Variants in ANAPC10 observed in about 807,000 individuals in gnomAD.
ANAPC10 encodes anaphase-promoting complex subunit 10.
ANAPC10 carries 12 observed loss-of-function variants against 22.0 expected under a neutral mutation model. That is an observed-to-expected ratio of 0.55 (90% CI 0.35 to 0.88). The LOEUF (loss-of-function observed/expected upper bound fraction) is 0.88. ANAPC10 is among the 40% of genes least tolerant of loss of function. The pLI, the probability that ANAPC10 is intolerant of heterozygous loss-of-function variation, is 0.01. For synonymous variants in ANAPC10, 65 were observed against 69.5 expected, an observed-to-expected ratio of 0.94 and a Z score of 0.32; for missense variants, 188 against 220.9, an observed-to-expected ratio of 0.85 and a Z score of 0.94.
Position 144,995,445 on chromosome 4 carries a change from T to C in ANAPC10, c.486A>G (p.Val162=), listed in dbSNP as rs769297785. 1.5e-5 allele frequency: 25 copies of C among 1,613,750 alleles called. No individual in the cohort carries two copies. The Middle Eastern group carries it at 5.0e-4, about 32-fold the overall frequency. ...GAAATTTACCAATGGAGCTCTCTTC[T>C]ACTGGTGTGTATATTTTAATTTGTC... ...HMRQIKIYTP[V]EESSIGKFPR... Residue 162 remains valine (V), a synonymous_variant, in exon 5 of 5, where the codon GTA becomes GTG. Coordinates refer to ENST00000507656, the MANE Select transcript of ANAPC10 (RefSeq NM_001256706.2).
chr4:145,085,204 C>T (rs904770036), intron 2 of ANAPC10, among the ~76,000 whole-genome samples: 1 of 152,106 alleles, frequency 6.6e-6, no homozygotes, highest in Admixed American at 6.6e-5. Context: ...CTGTAGTAAG[C>T]CATGACTGTA....
chr4:145,023,052 A>C (rs1736186526), intron 4 of ANAPC10, among the ~76,000 whole-genome samples: 1 of 152,152 alleles, frequency 6.6e-6, no homozygotes, highest in Non-Finnish European at 1.5e-5. Flanking sequence ...ACCAATAGTC[A>C]AGTGGATAAA....
chr4:145,080,113 C>CAAA (rs70956824), intron 3 of ANAPC10, among the ~76,000 whole-genome samples: 287 of 26,318 alleles, frequency 0.011, 5 homozygotes, highest in Middle Eastern at 0.031. Context: ...GACTCTGTCT[C>CAAA]AAAAAAAAAA....
In ANAPC10 at chr4:144,997,127, G is replaced by A. The variant is rs533374141; in HGVS notation, c.328-1524C>T. Among the ~76,000 whole-genome samples the A allele has an allele frequency of 3.3e-5, 5 of 152,336 alleles. No individual in the cohort carries two copies. The South Asian group carries it at 8.3e-4, about 25-fold the overall frequency. On this transcript the variant is annotated intron_variant, in intron 4 of 4. Coordinates refer to ENST00000507656, the MANE Select transcript of ANAPC10 (RefSeq NM_001256706.2). Reference sequence around the variant, plus strand: ...CTACATCTGATTGGTATACCTGAAAGTGACGGCCAGAATGGAACCAAGGTG... The same window carrying A: ...CTACATCTGATTGGTATACCTGAAAATGACGGCCAGAATGGAACCAAGGTG...
rs527304289 is a variant in ANAPC10 at position 145,028,528 on chromosome 4, C to T, written c.328-32925G>A. Among the ~76,000 whole-genome samples the T allele has an allele frequency of 1.2e-4, 18 of 152,190 alleles. No individual in the cohort carries two copies. The East Asian group carries it at 3.5e-3, about 29-fold the overall frequency. On this transcript the variant is annotated intron_variant, in intron 4 of 4. Coordinates refer to ENST00000507656, the MANE Select transcript of ANAPC10 (RefSeq NM_001256706.2). ...TCAAAAAGAACCATGACTAATACAG[C>T]TTTTGGTACCAGGAGTGGTTCTAGA...
At chr4:145,015,143 G>C (rs1734909560) in intron 4 of ANAPC10, among the ~76,000 whole-genome samples, 1 of 151,894 alleles carries the variant, frequency 6.6e-6, no homozygotes. Context: ...GCTATTTCGA[G>C]AGGCACCAGA....
intron 4 of ANAPC10, among the ~76,000 whole-genome samples, chr4:145,044,579 C>T (rs147183198): frequency 4.1e-4 from 63 of 152,086 alleles, no homozygotes; most frequent in African/African-American, 1.3e-3. Flanking sequence ...GGTTTTCATT[C>T]GCAATGTTGT....
chr4:145,003,592 T>C (rs773213526), intron 4 of ANAPC10, among the ~76,000 whole-genome samples: 3 of 152,200 alleles, frequency 2.0e-5, no homozygotes, highest in African/African-American at 7.2e-5. Context: ...ATTTATTGAA[T>C]AGGAAGTCCT....
At chr4:145,007,018 A>G (rs1189660732) in intron 4 of ANAPC10, among the ~76,000 whole-genome samples, 1 of 152,126 alleles carries the variant, frequency 6.6e-6, no homozygotes, top group East Asian at 1.9e-4. Context: ...ATATAAAAAT[A>G]TACATCTCCT....
intron 4 of ANAPC10, among the ~76,000 whole-genome samples, chr4:145,023,544 T>A (rs767867086): frequency 2.0e-5 from 3 of 152,202 alleles, no homozygotes; most frequent in Non-Finnish European, 4.4e-5. Flanking sequence ...CCCTGTAGAC[T>A]TTCAACCAGT....
chr4:145,089,797 C>T (rs1747404384), intron 2 of ANAPC10, among the ~76,000 whole-genome samples: 1 of 152,118 alleles, frequency 6.6e-6, no homozygotes, highest in African/African-American at 2.4e-5. Flanking sequence ...TCCTTTATAT[C>T]ACTTCCTATC....
Position 145,064,573 on chromosome 4 carries a change from C to T in ANAPC10, c.326G>A (p.Arg109Gln). ...GNNFHNLQEI[R>Q]QLELVEPSGW... The stretch of plus-strand genomic sequence containing the variant: ...TTTTTAAAAATTTGAAAGACATACC[C>T]GAATTTCTTGAAGGTTGTGAAAATT... Residue 109 changes from arginine to glutamine, a missense_variant and splice_region_variant, in exon 4 of 5, where the codon CGG becomes CAG. Arg to Gln is a conservative substitution (Grantham distance 43). Coordinates refer to ENST00000507656, the MANE Select transcript of ANAPC10 (RefSeq NM_001256706.2). The T allele has an allele frequency of 3.7e-6, 6 of 1,600,222 alleles. No individual in the cohort carries two copies. Among genetic ancestry groups the T allele is most frequent in the South Asian group, 3.4e-5 (3 of 88,082 alleles).
intron 1 of ANAPC10, chr4:145,097,436 T>C: frequency 8.0e-7 from 1 of 1,254,790 alleles, no homozygotes; most frequent in Non-Finnish European, 1.0e-6. Flanking sequence ...GTAGCGCAGT[T>C]ACTGCTACTG....
chr4:144,996,406 G>T (rs145894020), intron 4 of ANAPC10, among the ~76,000 whole-genome samples: 1 of 152,106 alleles, frequency 6.6e-6, no homozygotes, highest in Non-Finnish European at 1.5e-5. Flanking sequence ...CTAGAGACAC[G>T]GCTGCTGCTG....
intron 3 of ANAPC10, 76 bp from the exon 4 acceptor site, chr4:145,064,768 TAA>T: frequency 8.0e-7 from 1 of 1,256,622 alleles, no homozygotes; most frequent in Non-Finnish European, 1.1e-6. Context: ...CTTCTGATTT[TAA>T]AAATCATAGT....
In ANAPC10 at chr4:145,084,962, G is replaced by A. The variant is rs1001537144; in HGVS notation, c.116-3212C>T. On this transcript the variant is annotated intron_variant, in intron 2 of 4. Coordinates refer to ENST00000507656, the MANE Select transcript of ANAPC10 (RefSeq NM_001256706.2). ...CATGAAACTTGTATATATATTTCAC[G>A]TCACATATTCTATTGGACAGTCATG... Among the ~76,000 whole-genome samples the A allele has an allele frequency of 4.6e-5, 7 of 152,024 alleles. No individual in the cohort carries two copies. The East Asian group carries it at 7.7e-4, about 17-fold the overall frequency.
intron 4 of ANAPC10, among the ~76,000 whole-genome samples, chr4:145,030,278 G>C (rs1233366972): frequency 6.6e-6 from 1 of 152,200 alleles, no homozygotes; most frequent in Non-Finnish European, 1.5e-5. Context: ...ACTTGAGCCA[G>C]TTTACAGACC....
chr4:145,019,956 CA>C (rs1000009618), intron 4 of ANAPC10, among the ~76,000 whole-genome samples: 3 of 149,998 alleles, frequency 2.0e-5, no homozygotes, highest in East Asian at 2.0e-4. Flanking sequence ...AAATTATCAA[CA>C]AAAAAAAAGG....
chr4:145,077,216 A>G (rs1047710513), intron 3 of ANAPC10, among the ~76,000 whole-genome samples: 10 of 152,102 alleles, frequency 6.6e-5, no homozygotes, highest in African/African-American at 2.4e-4. Flanking sequence ...ATAAATAAAT[A>G]GAATAAAATA....
Sources: allele counts gnomAD v4.1 joint callset (sites outside exome capture counted in the v4.1 genomes callset), GRCh38; gene constraint gnomAD v4.1.1; transcripts MANE v1.5; gene names NCBI Gene and HGNC (gene_info 2026-07-23, HGNC 2026-07-21).